AR: variants seen among roughly 807,000 people sequenced by gnomAD.
AR encodes androgen receptor.
A neutral mutation model predicts 53.9 loss-of-function variants in AR; 8 were observed. The observed-to-expected ratio is 0.15, with a 90% CI of 0.09 to 0.27. The LOEUF is 0.27. Ranked by LOEUF, AR falls within the 10% of genes least tolerant of loss-of-function variation. AR has a pLI of 1.00. For synonymous variants in AR, 359 were observed against 316.4 expected (o/e 1.13, Z -1.43); for missense variants, 639 against 742.5 (o/e 0.86, Z 1.62).
At chrX:67,581,809 T>A (rs1377551717) in intron 1 of AR, among the ~76,000 whole-genome samples, 1 of 111,608 alleles carries the variant, frequency 9.0e-6, no homozygotes, top group Non-Finnish European at 1.9e-5. Context: ...GTTTTCATTC[T>A]CCTACCCTGT....
At chrX:67,692,623 G>A (rs745964529) in intron 3 of AR, among the ~76,000 whole-genome samples, 4 of 112,108 alleles carry the variant, frequency 3.6e-5, no homozygotes, top group African/African-American at 1.3e-4. Flanking sequence ...ACCTCTCTGA[G>A]CCTCAGTTTC....
In AR at chrX:67,725,413, A is replaced by C. The variant is rs1296450343; in HGVS notation, c.*1572A>C. The C allele has an allele frequency of 5.7e-6, 1 of 174,224 alleles. No individual in the cohort carries two copies. The highest frequency in any genetic ancestry group is 7.9e-5 in the Admixed American group (1 of 12,697). The allele number at this position is 174,224 out of a possible 1,213,427, so 14.4% of individuals were successfully genotyped here. A position where few individuals can be genotyped will look rare whatever the true frequency, so the allele number is the denominator to read the frequency against. On this transcript the variant is annotated 3_prime_UTR_variant, in exon 8 of 8. Transcript: ENST00000374690. ...TGGAGAAGTTCTCACTTCCTTCTTT[A>C]GAGCAGCTAAAGGGGCTACCCAGAT...
chrX:67,656,455 T>G (rs762978107), intron 2 of AR, among the ~76,000 whole-genome samples: 8 of 111,305 alleles, frequency 7.2e-5, no homozygotes, highest in Non-Finnish European at 1.5e-4. Flanking sequence ...CATAGTACAA[T>G]GAGCCTGTCC....
chrX:67,711,299 G>A (rs2076092579), intron 3 of AR, 103 bp from the exon 4 acceptor site: 4 of 883,523 alleles, frequency 4.5e-6, no homozygotes, highest in Non-Finnish European at 6.5e-6. Context: ...TGACCAGGGA[G>A]AATGGTGATT....
chrX:67,648,579 T>C (rs1926171081), intron 2 of AR, among the ~76,000 whole-genome samples: 1 of 111,765 alleles, frequency 8.9e-6, no homozygotes, highest in Non-Finnish European at 1.9e-5. Context: ...ACCACAGGCT[T>C]GCAGAAGAAA....
chrX:67,717,333 C>A, intron 4 of AR, 145 bp from the exon 5 acceptor site: 4 of 761,032 alleles, frequency 5.3e-6, no homozygotes, highest in South Asian at 2.3e-5. Flanking sequence ...TTTTCCCCAC[C>A]ACCCCTTAAT....
At chrX:67,695,887 A>G in intron 3 of AR, 1 of 753,331 alleles carries the variant, frequency 1.3e-6, no homozygotes, top group Non-Finnish European at 1.6e-6. Flanking sequence ...TCTGGAGAAA[A>G]GCCAAGGAAG....
chrX:67,682,403 G>T (rs1032961711), intron 2 of AR, among the ~76,000 whole-genome samples: 1 of 110,611 alleles, frequency 9.0e-6, no homozygotes, highest in Non-Finnish European at 1.9e-5. Context: ...TAGCCCCTCA[G>T]CCTCCTGAGT....
intron 4 of AR, among the ~76,000 whole-genome samples, chrX:67,716,118 A>T (rs2076112185): frequency 8.9e-6 from 1 of 111,947 alleles, no homozygotes; most frequent in Non-Finnish European, 1.9e-5. Flanking sequence ...TTGTTTAGGT[A>T]ATATTTCTTA....
chrX:67,561,618 G>A (rs1005191284), intron 1 of AR, among the ~76,000 whole-genome samples: 37 of 111,531 alleles, frequency 3.3e-4, no homozygotes, highest in African/African-American at 1.2e-3. Flanking sequence ...ATGGGAGTGG[G>A]GGAATGGAAC....
At chrX:67,561,854 A>G (rs1306457564) in intron 1 of AR, among the ~76,000 whole-genome samples, 1 of 109,968 alleles carries the variant, frequency 9.1e-6, no homozygotes, top group East Asian at 2.8e-4. Context: ...GGAATAAAGA[A>G]GTTAGATGTT....
At chrX:67,716,789 C>T (rs2076115202) in intron 4 of AR, among the ~76,000 whole-genome samples, 1 of 111,689 alleles carries the variant, frequency 9.0e-6, no homozygotes, top group Admixed American at 9.5e-5. Context: ...CAAACCAGAT[C>T]GTAGCTGGAA....
rs1233324601 is a variant in AR at position 67,626,436 on chromosome X, C to CTTTTT, written c.1617-16800_1617-16796dup. On this transcript the variant is annotated intron_variant, in intron 1 of 7. Transcript: ENST00000374690. ...TGTTGGTGCAAATGACAGGCTCTCT[C>CTTTTT]TTTTTTTTTTTTTTTTTTTTTTTTG... Among the ~76,000 whole-genome samples the CTTTTT allele has an allele frequency of 2.0e-3, 94 of 46,810 alleles. 1 individual carries two copies. The highest frequency in any genetic ancestry group is 2.9e-3 in the Admixed American group (7 of 2,453). The allele number at this position is 46,810 out of a possible 115,157, so 40.6% of individuals were successfully genotyped here.
At chrX:67,685,640 C>T (rs920830031) in intron 2 of AR, among the ~76,000 whole-genome samples, 1 of 111,688 alleles carries the variant, frequency 9.0e-6, no homozygotes, top group Non-Finnish European at 1.9e-5. Flanking sequence ...GTTCAAATCT[C>T]TTCTACGCCA....
chrX:67,612,521 C>T (rs1244412245), intron 1 of AR, among the ~76,000 whole-genome samples: 1 of 111,964 alleles, frequency 8.9e-6, no homozygotes, highest in Non-Finnish European at 1.9e-5. Context: ...TGCCTGTCTG[C>T]CTGCCTAAGC....
intron 2 of AR, among the ~76,000 whole-genome samples, chrX:67,672,530 G>A (rs2075872144): frequency 9.3e-6 from 1 of 107,218 alleles, no homozygotes; most frequent in Non-Finnish European, 1.9e-5. Context: ...TTATTGATTT[G>A]AGGTTACCAT....
intron 3 of AR, among the ~76,000 whole-genome samples, chrX:67,692,663 T>G (rs2076001089): frequency 8.9e-6 from 1 of 111,846 alleles, no homozygotes; most frequent in African/African-American, 3.3e-5. Context: ...TAATAAAATC[T>G]TTTTTACGGC....
intron 2 of AR, among the ~76,000 whole-genome samples, chrX:67,672,492 A>AT (rs200478763): frequency 0.01 from 1,039 of 100,988 alleles, 11 homozygotes; most frequent in African/African-American, 0.032. Context: ...CTTCCTTTTT[A>AT]TTTTTTTTTG....
At chrX:67,626,548 C>A (rs1265124334) in intron 1 of AR, among the ~76,000 whole-genome samples, 4 of 93,487 alleles carry the variant, frequency 4.3e-5, no homozygotes, top group Non-Finnish European at 8.2e-5. Flanking sequence ...TCATGCCATT[C>A]TCCTGCCTCA....
Sources: gnomAD v4.1 joint callset for allele counts (sites outside exome capture counted in the v4.1 genomes callset) on GRCh38, gnomAD v4.1.1 for gene constraint, MANE v1.5 for transcripts, NCBI Gene and HGNC (gene_info 2026-07-23, HGNC 2026-07-21) for gene names.